Variants in SNTG2 observed in about 807,000 individuals in gnomAD.
The protein encoded by SNTG2 is gamma-2-syntrophin.
In SNTG2, 74 loss-of-function variants were observed where a neutral mutation model predicts 70.9. That is an observed-to-expected ratio of 1.04 (90% CI 0.86 to 1.27). SNTG2 has a LOEUF of 1.27. Among genes scored for constraint, SNTG2 ranks in the 50% most tolerant of loss-of-function variants. The probability of loss-of-function intolerance (pLI) is 0.00; values close to 1 mark genes in which losing one functional copy is unlikely to be tolerated. For missense variants in SNTG2, 717 were observed against 690.7 expected (o/e 1.04, Z -0.43); for synonymous variants, 278 against 273.8 (o/e 1.02, Z -0.15).
intron 4 of SNTG2, among the ~76,000 whole-genome samples, chr2:1,101,882 A>C (rs1300042635): frequency 6.6e-6 from 1 of 152,240 alleles, no homozygotes; most frequent in East Asian, 1.9e-4. Flanking sequence ...CAGGGACACC[A>C]GAGCAGCCAG....
chr2:1,294,202 C>CAGACCCCATCCTTCAGGTCCCAT (rs1680106340), intron 14 of SNTG2, among the ~76,000 whole-genome samples: 1 of 151,914 alleles, frequency 6.6e-6, no homozygotes, highest in Non-Finnish European at 1.5e-5. Flanking sequence ...CATGGGGACA[C>CAGACCCCATCCTTCAGGTCCCAT]TGGGGACAGA....
chr2:1,158,727 A>G (rs1162545812), intron 6 of SNTG2, among the ~76,000 whole-genome samples: 1 of 152,138 alleles, frequency 6.6e-6, no homozygotes, highest in Admixed American at 6.5e-5. Context: ...CTTGGAATTT[A>G]GCCTGAATAA....
intron 9 of SNTG2, among the ~76,000 whole-genome samples, chr2:1,229,090 G>A (rs1458049423): frequency 6.6e-6 from 1 of 152,156 alleles, no homozygotes; most frequent in Non-Finnish European, 1.5e-5. Flanking sequence ...AGCAGTAGCA[G>A]GATTTATTGC....
chr2:1,052,318 A>G (rs975632110), intron 1 of SNTG2, among the ~76,000 whole-genome samples: 1 of 152,158 alleles, frequency 6.6e-6, no homozygotes, highest in African/African-American at 2.4e-5. Context: ...TTATATTTTT[A>G]TTTAATATTA....
In SNTG2 at chr2:1,267,437, C is replaced by T. The variant is rs774041284; in HGVS notation, c.1150C>T (p.Gln384Ter). The part of the protein sequence containing the change: ...LGLQDFDFED[Q>*]RPYCFSIVAG... ...TCTTCAAGATTTTGACTTTGAGGAC[C>T]AGAGGCCCTATTGCTTCAGCATCGT... is the stretch of plus-strand genomic sequence containing the variant. The change falls in exon 14 of 17, where the codon CAG becomes TAG. Residue 384 changes from glutamine to a stop codon, truncating the protein, a stop_gained. Transcript: ENST00000308624. LOFTEE classifies it high-confidence loss of function. 3 of 1,612,782 alleles carry T rather than the reference C, an allele frequency of 1.9e-6. No homozygotes were observed. Among genetic ancestry groups the T allele is most frequent in the Non-Finnish European group, 8.5e-7 (1 of 1,179,474 alleles).
intron 1 of SNTG2, among the ~76,000 whole-genome samples, chr2:1,030,958 G>T (rs1167763642): frequency 6.6e-6 from 1 of 152,066 alleles, no homozygotes; most frequent in African/African-American, 2.4e-5. Flanking sequence ...CATGTTGTAG[G>T]GATTATTCTT....
intron 16 of SNTG2, among the ~76,000 whole-genome samples, 199 bp from the exon 17 acceptor site, chr2:1,367,144 T>G (rs1661531921): frequency 6.6e-6 from 1 of 152,242 alleles, no homozygotes; most frequent in South Asian, 2.1e-4. Context: ...CCCAGTATAT[T>G]CATGTTTATA....
At chr2:1,059,189 T>C (rs1234670362) in intron 1 of SNTG2, 1 of 152,246 alleles carries the variant, frequency 6.6e-6, no homozygotes, top group East Asian at 1.9e-4. Flanking sequence ...CTGAGGAAAG[T>C]GTGTTCCTGG....
At chr2:1,143,635 C>T (rs1350827083) in intron 6 of SNTG2, among the ~76,000 whole-genome samples, 1 of 150,990 alleles carries the variant, frequency 6.6e-6, no homozygotes, top group South Asian at 2.1e-4. Flanking sequence ...TTTGGGAGGC[C>T]GAGGCAGGTG....
intron 1 of SNTG2, among the ~76,000 whole-genome samples, chr2:996,643 G>A (rs1661688906): frequency 1.2e-5 from 1 of 85,370 alleles, no homozygotes; most frequent in Non-Finnish European, 2.4e-5. Context: ...TAGCTTTGCT[G>A]ATTTATATTG....
At chr2:1,212,182 C>G (rs1009623059) in intron 9 of SNTG2, among the ~76,000 whole-genome samples, 1 of 152,140 alleles carries the variant, frequency 6.6e-6, no homozygotes, top group African/African-American at 2.4e-5. Flanking sequence ...AATGGGTTAG[C>G]AAAATCTCCC....
intron 1 of SNTG2, among the ~76,000 whole-genome samples, chr2:1,072,040 AT>A (rs1290214354): frequency 6.6e-6 from 1 of 152,232 alleles, no homozygotes; most frequent in Non-Finnish European, 1.5e-5. Context: ...TCTTGACAAC[AT>A]AAAAGTGCAA....
At chr2:1,074,972 C>G (rs1029173265) in intron 1 of SNTG2, among the ~76,000 whole-genome samples, 2 of 152,014 alleles carry the variant, frequency 1.3e-5, no homozygotes, top group African/African-American at 2.4e-5. Flanking sequence ...CGATGTTGGT[C>G]CAAGAATCAG....
intron 6 of SNTG2, among the ~76,000 whole-genome samples, chr2:1,149,822 G>A (rs1215096523): frequency 6.6e-6 from 1 of 151,500 alleles, no homozygotes; most frequent in African/African-American, 2.4e-5. Context: ...CGAGTAGCTG[G>A]GACTACAGGC....
At chr2:1,168,227 ACAGACGGCAGAAC>A (rs1339483601) in intron 7 of SNTG2, among the ~76,000 whole-genome samples, 2 of 145,738 alleles carry the variant, frequency 1.4e-5, no homozygotes. Context: ...CAGGCCGCCC[ACAGACGGCAGAAC>A]TGAAGCCTAC....
At chr2:1,015,778 T>C (rs948282898) in intron 1 of SNTG2, among the ~76,000 whole-genome samples, 9 of 152,226 alleles carry the variant, frequency 5.9e-5, no homozygotes, top group African/African-American at 2.2e-4. Flanking sequence ...CTAGAAGAAT[T>C]GAAGACGCGC....
In SNTG2 at chr2:1,221,989, G is replaced by GTCTC. The variant is rs1273680108; in HGVS notation, c.719+12761_719+12764dup. Among the ~76,000 whole-genome samples, 2 of 2,494 alleles carry GTCTC rather than the reference G, an allele frequency of 8.0e-4. 1 individual carries two copies. The highest frequency in any genetic ancestry group is 1.8e-3 in the Non-Finnish European group (2 of 1,090). The allele number at this position is 2,494 out of a possible 152,430, so 1.6% of individuals were successfully genotyped here. A position where few individuals can be genotyped will look rare whatever the true frequency, so the allele number is the denominator to read the frequency against. ...TCTGTCTCTGTCTCTGTCTCTCTCT[G>GTCTC]TCTCTGTCTCTGTCTCTCTCTGTCT... is the stretch of plus-strand genomic sequence containing the variant. On this transcript the variant is annotated intron_variant, in intron 9 of 16. Coordinates refer to ENST00000308624, the MANE Select transcript of SNTG2 (RefSeq NM_018968.4).
At chr2:1,356,711 A>T (rs972681751) in intron 16 of SNTG2, among the ~76,000 whole-genome samples, 1 of 152,186 alleles carries the variant, frequency 6.6e-6, no homozygotes, top group Non-Finnish European at 1.5e-5. Flanking sequence ...TAAAAATGCC[A>T]TTGAGATTTT....
chr2:1,172,976 C>A, intron 7 of SNTG2, 116 bp from the exon 8 acceptor site: 1 of 869,766 alleles, frequency 1.1e-6, no homozygotes, highest in African/African-American at 1.7e-5. Flanking sequence ...AACTGGACAC[C>A]AGGCATTTTG....
Sources: allele counts gnomAD v4.1 joint callset (sites outside exome capture counted in the v4.1 genomes callset), GRCh38; gene constraint gnomAD v4.1.1; transcripts MANE v1.5; gene names NCBI Gene and HGNC (gene_info 2026-07-23, HGNC 2026-07-21).